NFIA: variants seen among roughly 807,000 people sequenced by gnomAD.
NFIA encodes nuclear factor 1 A-type.
Under a neutral mutation model 62.8 loss-of-function variants are expected in NFIA, and 8 were observed. The observed-to-expected ratio is 0.13, with a 90% CI of 0.07 to 0.23. The LOEUF (loss-of-function observed/expected upper bound fraction) is 0.23. Among genes scored for constraint, NFIA ranks in the 10% least tolerant of loss-of-function variants. The pLI, the probability that NFIA is intolerant of heterozygous loss-of-function variation, is 1.00. For synonymous variants in NFIA, 235 were observed against 238.1 expected (o/e 0.99, Z 0.12); for missense variants, 410 against 642.1 (o/e 0.64, Z 3.91).
At position 61,406,547 on chromosome 1, in the gene NFIA, C is replaced by CT. The variant is rs772867079; in HGVS notation, c.1255-15_1255-14insT. 4 of 800,010 alleles carry CT rather than the reference C, an allele frequency of 5.0e-6. No homozygotes were observed. Among genetic ancestry groups the CT allele is most frequent in the South Asian group, 1.9e-5 (1 of 51,880 alleles). 49.6% of individuals were successfully genotyped at this position (800,010 alleles called of 1,614,324 possible). On this transcript the variant is annotated splice_polypyrimidine_tract_variant and intron_variant, in intron 8 of 10. Transcript: ENST00000403491. ...TTTCTTGTACGTGTGTTTTCTGCCC[C>CT]CCCCCCCCCCACAGCCCAATGGGAG...
intron 2 of NFIA, among the ~76,000 whole-genome samples, chr1:61,186,028 G>A (rs1188072947): frequency 2.6e-5 from 4 of 152,138 alleles, no homozygotes; most frequent in Non-Finnish European, 4.4e-5. Flanking sequence ...GGAATAAAAT[G>A]TTGGGCAAGT....
intron 2 of NFIA, among the ~76,000 whole-genome samples, chr1:61,161,829 A>T (rs1164796479): frequency 6.6e-6 from 1 of 152,200 alleles, no homozygotes; most frequent in Non-Finnish European, 1.5e-5. Context: ...GGAACGCTTT[A>T]ACTTGTGTTC....
At chr1:61,236,499 C>G (rs188277925) in intron 2 of NFIA, among the ~76,000 whole-genome samples, 2 of 152,228 alleles carry the variant, frequency 1.3e-5, no homozygotes, top group Admixed American at 6.5e-5. Context: ...TGACCCTTAC[C>G]TACAAAAATA....
rs897127998 is a variant in NFIA at position 61,458,934 on chromosome 1, G to A, written c.*3614G>A. ...TAAAACATTAGGGAGGCAGTCTAGG[G>A]TGATAACGAACAGGGGTTAAGTATT... is the stretch of plus-strand genomic sequence containing the variant. On this transcript the variant is annotated 3_prime_UTR_variant, in exon 11 of 11. Coordinates refer to ENST00000403491, the MANE Select transcript of NFIA (RefSeq NM_001134673.4). The A allele has an allele frequency of 6.6e-6, 1 of 152,120 alleles. No individual in the cohort carries two copies. The highest frequency in any genetic ancestry group is 6.5e-5 in the Admixed American group (1 of 15,280). 9.4% of individuals were successfully genotyped at this position (152,120 alleles called of 1,614,324 possible).
chr1:61,319,856 C>T (rs1660583580), intron 3 of NFIA, among the ~76,000 whole-genome samples: 1 of 150,514 alleles, frequency 6.6e-6, no homozygotes, highest in Admixed American at 6.6e-5. Flanking sequence ...TGATCACACT[C>T]TATTAAGCCA....
intron 6 of NFIA, among the ~76,000 whole-genome samples, chr1:61,374,087 C>T (rs1187010852): frequency 6.6e-6 from 1 of 152,036 alleles, no homozygotes; most frequent in Non-Finnish European, 1.5e-5. Flanking sequence ...CCACATGTGG[C>T]TAGTAGCTAC....
intron 2 of NFIA, among the ~76,000 whole-genome samples, chr1:61,139,868 G>A (rs1647370722): frequency 2.1e-5 from 3 of 142,706 alleles, no homozygotes; most frequent in Non-Finnish European, 4.5e-5. Context: ...TCTATACTTA[G>A]GGAATTTACC....
At chr1:61,392,470 G>A (rs1310858512) in intron 7 of NFIA, among the ~76,000 whole-genome samples, 3 of 151,934 alleles carry the variant, frequency 2.0e-5, no homozygotes, top group African/African-American at 7.3e-5. Context: ...TTGTCTGCAA[G>A]TGAACTGCCT....
At chr1:61,344,813 T>C (rs1156659613) in intron 4 of NFIA, among the ~76,000 whole-genome samples, 1 of 152,238 alleles carries the variant, frequency 6.6e-6, no homozygotes, top group East Asian at 1.9e-4. Flanking sequence ...CACTGTAATC[T>C]CTCAGGCAGA....
chr1:61,440,731 A>G (rs1324208383), intron 10 of NFIA, among the ~76,000 whole-genome samples: 1 of 151,666 alleles, frequency 6.6e-6, no homozygotes, highest in Non-Finnish European at 1.5e-5. Context: ...TTTTTCCACA[A>G]ATTTTTAGAG....
chr1:61,091,623 A>G (rs1646321394), intron 2 of NFIA, among the ~76,000 whole-genome samples: 1 of 152,174 alleles, frequency 6.6e-6, no homozygotes. Context: ...ATACTATGGT[A>G]TTGTGGCAAA....
chr1:61,289,773 A>G (rs2100304391), intron 3 of NFIA, among the ~76,000 whole-genome samples: 1 of 151,884 alleles, frequency 6.6e-6, no homozygotes. Context: ...TTCTTATCTC[A>G]TCTTCCCAGG....
chr1:61,175,448 A>C (rs192292483), intron 2 of NFIA, among the ~76,000 whole-genome samples: 1 of 152,232 alleles, frequency 6.6e-6, no homozygotes, highest in East Asian at 1.9e-4. Flanking sequence ...GGCCCTTATC[A>C]TGATTTTGAG....
intron 2 of NFIA, among the ~76,000 whole-genome samples, chr1:61,175,632 T>C (rs539022162): frequency 6.6e-6 from 1 of 152,286 alleles, no homozygotes; most frequent in South Asian, 2.1e-4. Flanking sequence ...ACCTACACTA[T>C]AGGAAGCCTT....
rs1156265501 is a variant in NFIA, at chr1:61,461,257, C to T, written c.*5937C>T. The T allele has an allele frequency of 6.6e-6, 1 of 152,026 alleles. No homozygotes were observed. Among genetic ancestry groups the T allele is most frequent in the Non-Finnish European group, 1.5e-5 (1 of 68,008 alleles). 9.4% of individuals were successfully genotyped at this position (152,026 alleles called of 1,614,324 possible). On this transcript the variant is annotated 3_prime_UTR_variant, in exon 11 of 11. Transcript: ENST00000403491. Reference sequence around the variant, plus strand: ...GGTACCCATGCTTGATCTGTCTTCACACCAGACCTCCTCATATTAAAAGGA... The same window carrying T: ...GGTACCCATGCTTGATCTGTCTTCATACCAGACCTCCTCATATTAAAAGGA...
At chr1:61,378,427 A>G (rs1408451382) in intron 6 of NFIA, among the ~76,000 whole-genome samples, 1 of 152,190 alleles carries the variant, frequency 6.6e-6, no homozygotes, top group African/African-American at 2.4e-5. Flanking sequence ...AGACTATACA[A>G]CCTAGGGTGG....
intron 7 of NFIA, among the ~76,000 whole-genome samples, chr1:61,400,638 A>G (rs1046144298): frequency 1.3e-5 from 2 of 152,192 alleles, no homozygotes; most frequent in South Asian, 2.1e-4. Flanking sequence ...TATGGTGTCA[A>G]CTACTCACAC....
At chr1:61,121,098 A>G (rs1303758247) in intron 2 of NFIA, among the ~76,000 whole-genome samples, 2 of 152,226 alleles carry the variant, frequency 1.3e-5, no homozygotes, top group South Asian at 2.1e-4. Context: ...CTGTTACTCA[A>G]TGGAGTGGAC....
chr1:61,303,339 A>G (rs1220958762), intron 3 of NFIA, among the ~76,000 whole-genome samples: 1 of 152,224 alleles, frequency 6.6e-6, no homozygotes, highest in Non-Finnish European at 1.5e-5. Flanking sequence ...CTTACCTTCT[A>G]GTTGATGGAG....
Sources: gnomAD v4.1 joint callset for allele counts (sites outside exome capture counted in the v4.1 genomes callset) on GRCh38, gnomAD v4.1.1 for gene constraint, MANE v1.5 for transcripts, NCBI Gene and HGNC (gene_info 2026-07-23, HGNC 2026-07-21) for gene names.